MYRIP: variants seen among roughly 807,000 people sequenced by gnomAD.
MYRIP encodes the protein rab effector MyRIP.
Under a neutral mutation model 98.0 loss-of-function variants are expected in MYRIP, and 49 were observed. The observed-to-expected ratio is 0.50, with a 90% CI of 0.40 to 0.63. MYRIP has a LOEUF of 0.63. Among genes scored for constraint, MYRIP ranks in the 30% least tolerant of loss-of-function variants. The probability of loss-of-function intolerance (pLI) is 0.00; values close to 1 mark genes in which losing one functional copy is unlikely to be tolerated. For synonymous variants in MYRIP, 404 were observed against 409.5 expected (o/e 0.99, Z 0.16); for missense variants, 1,004 against 1,058.2 (o/e 0.95, Z 0.71).
intron 1 of MYRIP, among the ~76,000 whole-genome samples, chr3:39,881,458 G>C (rs1332124606): frequency 6.6e-6 from 1 of 152,232 alleles, no homozygotes; most frequent in Admixed American, 6.5e-5. Context: ...TCATTTAAAC[G>C]TATCAGTTTT....
chr3:40,260,139 G>A lies in MYRIP; in HGVS notation c.*1973G>A, dbSNP rs1953719606. On this transcript the variant is annotated 3_prime_UTR_variant, in exon 17 of 17. Coordinates refer to ENST00000302541, the MANE Select transcript of MYRIP (RefSeq NM_015460.4). The stretch of plus-strand genomic sequence containing the variant: ...TCATCAAGTGATTTTGATCTTTAGT[G>A]TCAATATTTATATTTAGATTAATTT... 1 of 152,552 alleles carries A rather than the reference G, an allele frequency of 6.6e-6. No individual in the cohort carries two copies. The highest frequency in any genetic ancestry group is 2.4e-5 in the African/African-American group (1 of 41,436). 9.4% of individuals were successfully genotyped at this position (152,552 alleles called of 1,614,324 possible). A position where few individuals can be genotyped will look rare whatever the true frequency, so the allele number is the denominator to read the frequency against.
At chr3:40,046,372 G>A (rs1370813343) in intron 3 of MYRIP, among the ~76,000 whole-genome samples, 1 of 151,792 alleles carries the variant, frequency 6.6e-6, no homozygotes, top group Non-Finnish European at 1.5e-5. Context: ...CCAGGACAGG[G>A]ACACTGTCTT....
intron 2 of MYRIP, among the ~76,000 whole-genome samples, chr3:39,983,990 A>C (rs1365436088): frequency 6.6e-6 from 1 of 152,088 alleles, no homozygotes; most frequent in Non-Finnish European, 1.5e-5. Flanking sequence ...CTTGGAAAAA[A>C]CTTTGGTGCC....
At chr3:39,949,035 G>A (rs1944955595) in intron 2 of MYRIP, among the ~76,000 whole-genome samples, 1 of 152,100 alleles carries the variant, frequency 6.6e-6, no homozygotes, top group Admixed American at 6.6e-5. Context: ...TGATGGATTG[G>A]GTATGAGATC....
chr3:40,024,221 T>C (rs1276621749), intron 2 of MYRIP, among the ~76,000 whole-genome samples: 1 of 152,180 alleles, frequency 6.6e-6, no homozygotes, highest in Non-Finnish European at 1.5e-5. Context: ...CATTCATAGC[T>C]CTTAAATGAA....
intron 1 of MYRIP, among the ~76,000 whole-genome samples, chr3:39,858,363 C>G (rs918538416): frequency 2.0e-5 from 3 of 151,898 alleles, no homozygotes; most frequent in Non-Finnish European, 4.4e-5. Flanking sequence ...ATTTAGGCAC[C>G]CAACATTGGA....
At chr3:40,145,354 T>C (rs1292028765) in intron 3 of MYRIP, among the ~76,000 whole-genome samples, 3 of 152,232 alleles carry the variant, frequency 2.0e-5, no homozygotes, top group African/African-American at 7.2e-5. Context: ...TGAAGTTTTA[T>C]GGGAAAGAAA....
intron 3 of MYRIP, among the ~76,000 whole-genome samples, chr3:40,101,393 G>A (rs1249446485): frequency 6.6e-6 from 1 of 152,124 alleles, no homozygotes; most frequent in African/African-American, 2.4e-5. Flanking sequence ...CTTCACCAAT[G>A]TCTTTCCTTT....
At chr3:40,236,006 ACTC>A (rs1022513058) in intron 12 of MYRIP, among the ~76,000 whole-genome samples, 2 of 152,180 alleles carry the variant, frequency 1.3e-5, no homozygotes, top group African/African-American at 4.8e-5. Context: ...TTTAGTTTGT[ACTC>A]CTAAAAGCTA....
intron 3 of MYRIP, among the ~76,000 whole-genome samples, chr3:40,050,341 G>A (rs941638309): frequency 6.6e-6 from 1 of 152,176 alleles, no homozygotes; most frequent in African/African-American, 2.4e-5. Context: ...CCCTTAAAAG[G>A]TATGCTAAAT....
chr3:39,961,710 C>T (rs1431008912), intron 2 of MYRIP, among the ~76,000 whole-genome samples: 1 of 152,126 alleles, frequency 6.6e-6, no homozygotes, highest in Non-Finnish European at 1.5e-5. Flanking sequence ...CACAAAACTG[C>T]ATCTTTTAGT....
intron 3 of MYRIP, among the ~76,000 whole-genome samples, chr3:40,094,931 C>T (rs747068052): frequency 1.3e-5 from 2 of 152,128 alleles, no homozygotes; most frequent in Non-Finnish European, 2.9e-5. Context: ...AGCCACTCAG[C>T]CTCAGAAACC....
intron 3 of MYRIP, among the ~76,000 whole-genome samples, chr3:40,087,997 G>C (rs752015555): frequency 6.6e-6 from 1 of 152,294 alleles, no homozygotes; most frequent in Non-Finnish European, 1.5e-5. Context: ...GAGGGAGCAA[G>C]ACCCAGTCAC....
intron 2 of MYRIP, among the ~76,000 whole-genome samples, chr3:40,012,006 A>G (rs1946770614): frequency 6.6e-6 from 1 of 152,230 alleles, no homozygotes; most frequent in South Asian, 2.1e-4. Flanking sequence ...AATTAAATAA[A>G]ATGAAGCTAT....
chr3:40,219,567 G>A (rs1345616187), intron 11 of MYRIP, among the ~76,000 whole-genome samples: 2 of 151,886 alleles, frequency 1.3e-5, no homozygotes, highest in African/African-American at 4.8e-5. Flanking sequence ...TCCCACCTAT[G>A]AGTGAGAACA....
intron 11 of MYRIP, chr3:40,232,901 C>G (rs868541267): frequency 4.8e-4 from 73 of 152,174 alleles, no homozygotes; most frequent in African/African-American, 1.7e-3. Flanking sequence ...GATAGGGGAT[C>G]TTTTTTTCAC....
At chr3:40,125,384 A>G (rs1182931739) in intron 3 of MYRIP, among the ~76,000 whole-genome samples, 1 of 152,196 alleles carries the variant, frequency 6.6e-6, no homozygotes, top group Non-Finnish European at 1.5e-5. Flanking sequence ...CCAGCACGGG[A>G]GAAAGATGTA....
intron 1 of MYRIP, among the ~76,000 whole-genome samples, chr3:39,846,438 CAG>C (rs1941969636): frequency 6.6e-6 from 1 of 152,170 alleles, no homozygotes; most frequent in African/African-American, 2.4e-5. Context: ...TGATCATCAG[CAG>C]TATCCCCTGG....
intron 3 of MYRIP, among the ~76,000 whole-genome samples, chr3:40,144,459 A>G (rs1447752253): frequency 6.6e-6 from 1 of 152,206 alleles, no homozygotes; most frequent in Non-Finnish European, 1.5e-5. Context: ...AAAGGAAAAG[A>G]AATGTCCCTT....
Sources: gnomAD v4.1 joint callset for allele counts (sites outside exome capture counted in the v4.1 genomes callset) on GRCh38, gnomAD v4.1.1 for gene constraint, MANE v1.5 for transcripts, NCBI Gene and HGNC (gene_info 2026-07-23, HGNC 2026-07-21) for gene names.